Variants in DPF3 observed in about 807,000 individuals in gnomAD.
The protein encoded by DPF3 is zinc finger protein DPF3.
DPF3 carries 18 observed loss-of-function variants against 56.8 expected under a neutral mutation model. The ratio of observed to expected loss-of-function variants is 0.32; its 90% CI spans 0.22 to 0.47. The LOEUF (loss-of-function observed/expected upper bound fraction) is 0.47, where lower values mean the gene tolerates loss of function less well. Among genes scored for constraint, DPF3 ranks in the 20% least tolerant of loss-of-function variants. The pLI is 1.00. For missense variants in DPF3, 403 were observed against 488.8 expected, an observed-to-expected ratio of 0.82 and a Z score of 1.65; for synonymous variants, 188 against 180.2, an observed-to-expected ratio of 1.04 and a Z score of -0.35.
intron 1 of DPF3, chr14:72,879,833 A>G: frequency 6.5e-7 from 1 of 1,535,626 alleles, no homozygotes; most frequent in Non-Finnish European, 8.7e-7. Context: ...CAGGGCATCC[A>G]GAGATGGGCT....
chr14:72,876,866 T>C (rs1182216292), intron 1 of DPF3, among the ~76,000 whole-genome samples: 2 of 152,232 alleles, frequency 1.3e-5, no homozygotes, highest in African/African-American at 4.8e-5. Flanking sequence ...ACCTGGAACC[T>C]CACGTGAAGC....
chr14:72,757,067 G>GAGGA (rs112770433), intron 2 of DPF3, among the ~76,000 whole-genome samples: 2,773 of 115,066 alleles, frequency 0.024, 188 homozygotes, highest in African/African-American at 0.097. Flanking sequence ...GAAAGGGGGA[G>GAGGA]AGGAAGGAAG....
intron 2 of DPF3, among the ~76,000 whole-genome samples, chr14:72,767,433 T>C (rs193224892): frequency 4.0e-4 from 61 of 151,522 alleles, no homozygotes; most frequent in African/African-American, 1.0e-3. Flanking sequence ...AGCAAAGAAA[T>C]AGAAAATATG....
chr14:72,775,607 G>C (rs1226862618), intron 1 of DPF3, among the ~76,000 whole-genome samples: 2 of 152,182 alleles, frequency 1.3e-5, no homozygotes, highest in African/African-American at 2.4e-5. Context: ...TATAATCTTT[G>C]TGTGAATGAT....
At chr14:72,875,065 C>T (rs1054812403) in intron 1 of DPF3, among the ~76,000 whole-genome samples, 3 of 152,166 alleles carry the variant, frequency 2.0e-5, no homozygotes, top group African/African-American at 4.8e-5. Context: ...AAAGCTGAAA[C>T]CCCTGATAAA....
intron 1 of DPF3, among the ~76,000 whole-genome samples, chr14:72,808,795 G>A (rs901653666): frequency 2.0e-5 from 3 of 152,148 alleles, no homozygotes; most frequent in Non-Finnish European, 2.9e-5. Flanking sequence ...AAAGGTCTCC[G>A]GGCATGTAAG....
intron 1 of DPF3, among the ~76,000 whole-genome samples, chr14:72,802,130 C>G (rs752117427): frequency 1.3e-5 from 2 of 151,756 alleles, no homozygotes; most frequent in African/African-American, 2.4e-5. Flanking sequence ...ACAGGGACAG[C>G]TGGGTGTGCA....
intron 3 of DPF3, among the ~76,000 whole-genome samples, chr14:72,748,667 C>T (rs550860548): frequency 2.0e-5 from 3 of 152,302 alleles, no homozygotes; most frequent in Admixed American, 2.0e-4. Flanking sequence ...GAGCCAGGCT[C>T]AGGGTCCTTC....
chr14:72,771,934 C>A (rs546105612), intron 1 of DPF3, 41 bp from the exon 2 acceptor site: 5 of 1,461,592 alleles, frequency 3.4e-6, no homozygotes, highest in Non-Finnish European at 4.5e-6. Flanking sequence ...CCAGGGAAGA[C>A]TGAAACACAC....
intron 9 of DPF3, among the ~76,000 whole-genome samples, chr14:72,621,555 G>A (rs1884446462): frequency 6.6e-6 from 1 of 152,210 alleles, no homozygotes; most frequent in African/African-American, 2.4e-5. Flanking sequence ...GGGGCAACAG[G>A]AAAGCTTTTG....
At chr14:72,645,429 C>A (rs140675179) in intron 8 of DPF3, among the ~76,000 whole-genome samples, 73 of 152,144 alleles carry the variant, frequency 4.8e-4, no homozygotes, top group Admixed American at 1.1e-3. Context: ...CATCCACGTC[C>A]CCCTACCTGC....
At chr14:72,651,526 CA>C (rs1885908033) in intron 8 of DPF3, among the ~76,000 whole-genome samples, 1 of 152,172 alleles carries the variant, frequency 6.6e-6, no homozygotes. Flanking sequence ...GTCAGGAAGA[CA>C]GGGGGATGGA....
intron 1 of DPF3, among the ~76,000 whole-genome samples, chr14:72,887,390 C>T (rs1886590902): frequency 6.6e-6 from 1 of 152,088 alleles, no homozygotes; most frequent in Non-Finnish European, 1.5e-5. Flanking sequence ...CTAAATGGCC[C>T]ACCACCTGGT....
In DPF3 at chr14:72,610,973, T is replaced by G. The variant is rs1883687811; in HGVS notation, c.*8324A>C. Among the ~76,000 whole-genome samples the G allele has an allele frequency of 6.6e-6, 1 of 152,226 alleles. No homozygotes were observed. Among genetic ancestry groups the G allele is most frequent in the Non-Finnish European group, 1.5e-5 (1 of 68,034 alleles). On this transcript the variant is annotated 3_prime_UTR_variant, in exon 11 of 11. Coordinates refer to ENST00000556509, the MANE Select transcript of DPF3 (RefSeq NM_001280542.3). Reference sequence around the variant, plus strand: ...TAGGTGAGTGGACCAAACCCCTGCATGCTTTTCAGGCTGTCACGCACTTTA... The same window carrying G: ...TAGGTGAGTGGACCAAACCCCTGCAGGCTTTTCAGGCTGTCACGCACTTTA...
Position 72,674,368 on chromosome 14 carries a change from G to A in DPF3, c.743C>T (p.Pro248Leu). Reference sequence around the variant, plus strand: ...GACTGTTCCATCCGGTCCTTTCTGGGCTGTGGGAACATTTAAAACATTCCA... The same window carrying A: ...GACTGTTCCATCCGGTCCTTTCTGGACTGTGGGAACATTTAAAACATTCCA... ...PPNHRNENHR[P>L]QKGPDGTVIP... Residue 248 changes from proline (P) to leucine (L), a missense_variant and splice_region_variant, in exon 8 of 11, where the codon CCC (proline) becomes CTC (leucine). Coordinates refer to ENST00000556509, the MANE Select transcript of DPF3 (RefSeq NM_001280542.3). 1 of 1,612,096 alleles carries A rather than the reference G, an allele frequency of 6.2e-7. No homozygotes were observed. Among genetic ancestry groups the A allele is most frequent in the African/African-American group, 1.3e-5 (1 of 74,940 alleles).
At chr14:72,813,737 T>C (rs1455581986) in intron 1 of DPF3, among the ~76,000 whole-genome samples, 1 of 152,220 alleles carries the variant, frequency 6.6e-6, no homozygotes, top group Non-Finnish European at 1.5e-5. Context: ...TCTCATTTTT[T>C]AATCTGCAAA....
At chr14:72,702,737 G>A (rs1888227379) in intron 6 of DPF3, among the ~76,000 whole-genome samples, 1 of 152,152 alleles carries the variant, frequency 6.6e-6, no homozygotes. Flanking sequence ...ACTCAGATCG[G>A]GATAAAGCCC....
At chr14:72,741,754 C>T (rs1599400296) in intron 3 of DPF3, among the ~76,000 whole-genome samples, 2 of 152,244 alleles carry the variant, frequency 1.3e-5, no homozygotes, top group African/African-American at 2.4e-5. Context: ...GATGGGCCCT[C>T]GCCGTCAAGT....
chr14:72,631,105 T>C (rs958267531), intron 8 of DPF3, among the ~76,000 whole-genome samples: 2 of 152,164 alleles, frequency 1.3e-5, no homozygotes, highest in African/African-American at 2.4e-5. Context: ...GCTCCACAAA[T>C]AGAAACCATG....
Sources: gnomAD v4.1 joint callset for allele counts (sites outside exome capture counted in the v4.1 genomes callset) on GRCh38, gnomAD v4.1.1 for gene constraint, MANE v1.5 for transcripts, NCBI Gene and HGNC (gene_info 2026-07-23, HGNC 2026-07-21) for gene names.